Variants in ULK4 observed in about 807,000 individuals in gnomAD.
ULK4 encodes the protein unc-51 like kinase 4, also known as inactive serine/threonine-protein kinase ULK4.
A neutral mutation model predicts 160.6 loss-of-function variants in ULK4; 133 were observed. The ratio of observed to expected loss-of-function variants is 0.83; its 90% CI spans 0.72 to 0.96. The LOEUF is 0.96. Ranked by LOEUF, ULK4 falls within the 40% of genes least tolerant of loss-of-function variation. The pLI, the probability that ULK4 is intolerant of heterozygous loss-of-function variation, is 0.00. For missense variants in ULK4, 1,580 were observed against 1,499.5 expected, an observed-to-expected ratio of 1.05 and a Z score of -0.89; for synonymous variants, 534 against 539.8, an observed-to-expected ratio of 0.99 and a Z score of 0.15.
chr3:41,572,914 G>A (rs576055701), intron 31 of ULK4, among the ~76,000 whole-genome samples: 4 of 152,212 alleles, frequency 2.6e-5, no homozygotes, highest in Admixed American at 1.3e-4. Context: ...ACTTGTGTTC[G>A]CACTGGCTGA....
At chr3:41,867,399 G>A (rs1696933855) in intron 17 of ULK4, among the ~76,000 whole-genome samples, 1 of 152,072 alleles carries the variant, frequency 6.6e-6, no homozygotes, top group African/African-American at 2.4e-5. Flanking sequence ...TGTTTTGGGG[G>A]GGCAAGGTGT....
chr3:41,961,737 C>T (rs1342747452), intron 1 of ULK4, among the ~76,000 whole-genome samples: 5 of 152,182 alleles, frequency 3.3e-5, no homozygotes, highest in Non-Finnish European at 7.3e-5. Flanking sequence ...GCACATCTCC[C>T]AAGCCGAAAC....
chr3:41,393,587 T>C (rs760887181), intron 35 of ULK4, among the ~76,000 whole-genome samples: 4 of 152,176 alleles, frequency 2.6e-5, no homozygotes, highest in African/African-American at 9.6e-5. Context: ...ATAGCACTGA[T>C]TGGATTTTGC....
chr3:41,877,547 G>T (rs369809137), intron 17 of ULK4, among the ~76,000 whole-genome samples: 1 of 151,836 alleles, frequency 6.6e-6, no homozygotes, highest in Non-Finnish European at 1.5e-5. Context: ...AGCTGGTCTC[G>T]AACGCCTGAA....
chr3:41,819,014 G>A (rs895806475), intron 19 of ULK4, among the ~76,000 whole-genome samples: 2 of 152,178 alleles, frequency 1.3e-5, no homozygotes, highest in African/African-American at 4.8e-5. Context: ...AAGCTTCCCT[G>A]TCTCTAAACC....
chr3:41,640,913 C>G (rs1297525717), intron 30 of ULK4, among the ~76,000 whole-genome samples: 2 of 152,186 alleles, frequency 1.3e-5, no homozygotes, highest in African/African-American at 2.4e-5. Flanking sequence ...TGGAAACTCT[C>G]AGAGCTTGCC....
chr3:41,635,794 A>C (rs1399439635), intron 30 of ULK4, among the ~76,000 whole-genome samples: 2 of 152,252 alleles, frequency 1.3e-5, no homozygotes, highest in African/African-American at 4.8e-5. Context: ...ATTAGAACGG[A>C]TATCTACTTA....
intron 35 of ULK4, among the ~76,000 whole-genome samples, chr3:41,356,481 T>C (rs1039591525): frequency 6.6e-5 from 10 of 152,316 alleles, no homozygotes; most frequent in African/African-American, 1.7e-4. Flanking sequence ...TCAGGAACCA[T>C]ATCCTTACTA....
intron 32 of ULK4, among the ~76,000 whole-genome samples, chr3:41,531,692 C>A (rs1015857090): frequency 7.2e-5 from 11 of 151,928 alleles, no homozygotes; most frequent in African/African-American, 2.4e-4. Flanking sequence ...TATAGGTAAA[C>A]CAAAACAACA....
intron 22 of ULK4, among the ~76,000 whole-genome samples, chr3:41,737,538 A>G (rs1335967460): frequency 3.3e-5 from 5 of 151,954 alleles, no homozygotes; most frequent in African/African-American, 1.2e-4. Context: ...TGGAACCAAA[A>G]AAGAGCCCGC....
At chr3:41,279,340 T>C (rs1264029005) in intron 35 of ULK4, among the ~76,000 whole-genome samples, 1 of 150,538 alleles carries the variant, frequency 6.6e-6, no homozygotes, top group Non-Finnish European at 1.5e-5. Flanking sequence ...GTTTGATTGA[T>C]GTACCTGAAA....
At chr3:41,874,555 T>G (rs1017954921) in intron 17 of ULK4, among the ~76,000 whole-genome samples, 3 of 152,188 alleles carry the variant, frequency 2.0e-5, no homozygotes, top group African/African-American at 7.2e-5. Flanking sequence ...GTAAAATAAA[T>G]TTTTCAAATT....
chr3:41,847,831 C>G (rs1325079815), intron 17 of ULK4, among the ~76,000 whole-genome samples: 1 of 152,068 alleles, frequency 6.6e-6, no homozygotes, highest in African/African-American at 2.4e-5. Context: ...ATCTGTCTAC[C>G]TGAAACTTCA....
intron 22 of ULK4, among the ~76,000 whole-genome samples, chr3:41,720,942 C>G (rs879071835): frequency 6.6e-6 from 1 of 151,844 alleles, no homozygotes; most frequent in Non-Finnish European, 1.5e-5. Context: ...TTTATAACAT[C>G]AAAAAATTGG....
intron 17 of ULK4, among the ~76,000 whole-genome samples, chr3:41,881,983 G>A (rs1697538474): frequency 6.6e-6 from 1 of 151,622 alleles, no homozygotes; most frequent in Non-Finnish European, 1.5e-5. Context: ...CTCTCCAAGT[G>A]GGAGTACAGC....
intron 27 of ULK4, among the ~76,000 whole-genome samples, chr3:41,699,384 C>G (rs1172616317): frequency 6.6e-6 from 1 of 152,188 alleles, no homozygotes; most frequent in Non-Finnish European, 1.5e-5. Flanking sequence ...AGCTTACTTT[C>G]TAAAGTTAAA....
chr3:41,334,113 T>C (rs183008191), intron 35 of ULK4, among the ~76,000 whole-genome samples: 3 of 152,288 alleles, frequency 2.0e-5, no homozygotes, highest in Non-Finnish European at 4.4e-5. Context: ...AAGGTCACAT[T>C]TGCAGAATTG....
At chr3:41,809,260 A>G (rs1186618743) in intron 19 of ULK4, among the ~76,000 whole-genome samples, 1 of 151,946 alleles carries the variant, frequency 6.6e-6, no homozygotes, top group Non-Finnish European at 1.5e-5. Context: ...TTTTATATCC[A>G]GTATTTATAG....
chr3:41,802,712 T>C (rs558768269), intron 19 of ULK4, among the ~76,000 whole-genome samples: 1 of 152,308 alleles, frequency 6.6e-6, no homozygotes, highest in African/African-American at 2.4e-5. Flanking sequence ...ACTAGATTAT[T>C]CTGGTGTAAG....
Sources: allele counts gnomAD v4.1 joint callset (sites outside exome capture counted in the v4.1 genomes callset), GRCh38; gene constraint gnomAD v4.1.1; transcripts MANE v1.5; gene names NCBI Gene and HGNC (gene_info 2026-07-23, HGNC 2026-07-21).